STAC3: variants seen among roughly 807,000 people sequenced by gnomAD.
STAC3 encodes SH3 and cysteine rich domain 3.
Under a neutral mutation model 48.5 loss-of-function variants are expected in STAC3, and 30 were observed. That is an observed-to-expected ratio of 0.62 (90% confidence interval 0.46 to 0.84). The LOEUF (loss-of-function observed/expected upper bound fraction) is 0.84. Ranked by LOEUF, STAC3 falls within the 40% of genes least tolerant of loss-of-function variation. The pLI, the probability that STAC3 is intolerant of heterozygous loss-of-function variation, is 0.00. For synonymous variants in STAC3, 144 were observed against 158.6 expected (o/e 0.91, Z 0.69); for missense variants, 419 against 462.6 (o/e 0.91, Z 0.86).
At chr12:57,247,980 T>C in intron 5 of STAC3, 146 bp downstream of exon 5, 1 of 770,636 alleles carries the variant, frequency 1.3e-6, no homozygotes, top group Non-Finnish European at 2.3e-6. Context: ...TGCCTCTGCA[T>C]CCAAATGGAT....
In STAC3 at chr12:57,249,077, G is replaced by A. The variant is rs975202715; in HGVS notation, c.298C>T (p.Pro100Ser). The A allele has an allele frequency of 6.2e-7, 1 of 1,608,268 alleles. No homozygotes were observed. The highest frequency in any genetic ancestry group is 8.5e-7 in the Non-Finnish European group (1 of 1,176,764). ...CGGGCACAGACATCACAGAACTTTG[G>A]CTTCTTGAAGAAGTGATCTTTGAAT... Reference protein sequence around the residue: ...HKFKDHFFKKPKFCDVCARMI... With the variant: ...HKFKDHFFKKSKFCDVCARMI... The change falls in exon 3 of 12, where the codon CCA (proline) becomes TCA (serine). Residue 100 changes from proline (P) to serine (S), a missense_variant. By Grantham distance (74) the Pro-to-Ser change is moderately conservative. Coordinates refer to ENST00000332782, the MANE Select transcript of STAC3 (RefSeq NM_145064.3).
chr12:57,244,594 T>C lies in STAC3; in HGVS notation c.749A>G (p.His250Arg). 1 of 1,614,158 alleles carries C rather than the reference T, an allele frequency of 6.2e-7. No individual in the cohort carries two copies. Among genetic ancestry groups the C allele is most frequent in the East Asian group, 2.2e-5 (1 of 44,876 alleles). ...KHKQPGFQQS[H>R]YFVALYRFKA... ...GAACCGATAGAGAGCCACAAAGTAATGAGACTGCTGGAAGCCAGGCTGCTT... is the reference window on the plus strand; with the variant it reads ...GAACCGATAGAGAGCCACAAAGTAACGAGACTGCTGGAAGCCAGGCTGCTT... Residue 250 changes from histidine (H) to arginine (R), a missense_variant, in exon 9 of 12, where the codon CAT becomes CGT. His to Arg is a conservative substitution (Grantham distance 29). Coordinates refer to ENST00000332782, the MANE Select transcript of STAC3 (RefSeq NM_145064.3).
intron 5 of STAC3, 88 bp downstream of exon 5, chr12:57,248,038 G>C (rs1275679871): frequency 8.3e-7 from 1 of 1,200,092 alleles, no homozygotes; most frequent in East Asian, 2.3e-5. Context: ...GAAAGTTTCT[G>C]TTTCAGAATT....
chr12:57,244,238 G>A lies in STAC3; in HGVS notation c.859-13C>T. 3 of 1,614,218 alleles carry A rather than the reference G, an allele frequency of 1.9e-6. No individual in the cohort carries two copies. The highest frequency in any genetic ancestry group is 2.5e-6 in the Non-Finnish European group (3 of 1,180,048). ...CCCCGATTTTCCCCTAGGGAAGATA[G>A]TAGGGAGAGTCCATCTCTCAATGTC... On this transcript the variant is annotated splice_polypyrimidine_tract_variant and intron_variant, in intron 10 of 11. Transcript: ENST00000332782.
rs200605475 is a variant in STAC3 at position 57,246,862 on chromosome 12, C to T, written c.545G>A (p.Arg182His). 102 of 1,613,886 alleles carry T rather than the reference C, an allele frequency of 6.3e-5. No individual in the cohort carries two copies. Among genetic ancestry groups the T allele is most frequent in the Admixed American group, 2.7e-4 (16 of 60,000 alleles). ...CTTGTTTGCCATGATCACCCCAGTG[C>T]GCAGGGTTTCAAACACAGGATCATT... ...NRNDPVFETLRTGVIMANKER... is the reference protein window; with the variant it reads ...NRNDPVFETLHTGVIMANKER... The change falls in exon 6 of 12, where the codon CGC (arginine) becomes CAC (histidine). Residue 182 changes from arginine to histidine, a missense_variant. By Grantham distance (29) the Arg-to-His change is conservative (BLOSUM62 0). Transcript: ENST00000332782.
rs779483367 is a variant in STAC3, at chr12:57,243,911, C to A, written c.997-1G>T. The A allele has an allele frequency of 6.2e-7, 1 of 1,613,738 alleles. No homozygotes were observed. The highest frequency in any genetic ancestry group is 1.3e-5 in the African/African-American group (1 of 75,010). On this transcript the variant is annotated splice_acceptor_variant, in intron 11 of 11. Coordinates refer to ENST00000332782, the MANE Select transcript of STAC3 (RefSeq NM_145064.3). LOFTEE classifies it high-confidence loss of function. Reference sequence around the variant, plus strand: ...CTTCGTCTCCTTTCTGCACCACGATCTAGAAGATTAAAGGATCAGAAGTAG... The same window carrying A: ...CTTCGTCTCCTTTCTGCACCACGATATAGAAGATTAAAGGATCAGAAGTAG...
Position 57,243,507 on chromosome 12 carries a change from T to G in STAC3, c.*305A>C. 6 of 512,282 alleles carry G rather than the reference T, an allele frequency of 1.2e-5. No homozygotes were observed. Among genetic ancestry groups the G allele is most frequent in the East Asian group, 4.4e-5 (1 of 22,886 alleles). 31.7% of individuals were successfully genotyped at this position (512,282 alleles called of 1,614,324 possible). On this transcript the variant is annotated 3_prime_UTR_variant, in exon 12 of 12. Transcript: ENST00000332782. Reference sequence around the variant, plus strand: ...ATTCGCAACATTCGACAGTTCGCCCTCCCTCGCCCCCGCCCCCCGCCCCAG... The same window carrying G: ...ATTCGCAACATTCGACAGTTCGCCCGCCCTCGCCCCCGCCCCCCGCCCCAG...
At chr12:57,246,390 C>CT (rs1939358841) in intron 6 of STAC3, among the ~76,000 whole-genome samples, 1 of 120,538 alleles carries the variant, frequency 8.3e-6, no homozygotes, top group Admixed American at 9.2e-5. Flanking sequence ...TTCCTTCCTT[C>CT]CTTTTTTTTT....
intron 1 of STAC3, among the ~76,000 whole-genome samples, chr12:57,250,578 G>T (rs1422209405): frequency 6.6e-6 from 1 of 152,004 alleles, no homozygotes; most frequent in Non-Finnish European, 1.5e-5. Flanking sequence ...AAATCTGTGG[G>T]CAACAGAGAT....
Position 57,249,603 on chromosome 12 carries a change from G to C in STAC3, c.34C>G (p.Pro12Ala), listed in dbSNP as rs1382772416. The C allele has an allele frequency of 1.9e-6, 3 of 1,614,068 alleles. No individual in the cohort carries two copies. The highest frequency in any genetic ancestry group is 1.7e-5 in the Admixed American group (1 of 60,004). ...TEKEVLESPK[P>A]SFPAETRQSG... ...TGCCGAGTCTCTGCTGGGAAGGAGG[G>C]CTTAGGGGACTCCAGCACCTCCTTT... The change falls in exon 2 of 12, where the codon CCC becomes GCC. Residue 12 changes from proline to alanine, a missense_variant. By Grantham distance (27) the Pro-to-Ala change is conservative (BLOSUM62 -1). Transcript: ENST00000332782.
chr12:57,248,943 A>T, intron 3 of STAC3, 98 bp downstream of exon 3: 1 of 1,550,940 alleles, frequency 6.4e-7, no homozygotes. Flanking sequence ...CACCAACTCT[A>T]GCCACAGCCC....
At chr12:57,247,024 C>A (rs117927148) in intron 5 of STAC3, 123 bp from the exon 6 acceptor site, 2 of 877,616 alleles carry the variant, frequency 2.3e-6, no homozygotes, top group Non-Finnish European at 3.7e-6. Context: ...GCGGTGGGGG[C>A]GCCGCGGGGA....
intron 4 of STAC3, 76 bp from the exon 5 acceptor site, chr12:57,248,274 AC>A: frequency 8.4e-7 from 1 of 1,185,146 alleles, no homozygotes; most frequent in Admixed American, 1.7e-5. Flanking sequence ...AGGAGTGCTC[AC>A]CCTTTCTCAG....
rs778043546 is a variant in STAC3 at position 57,249,080 on chromosome 12, T to G, written c.295A>C (p.Lys99Gln). The change falls in exon 3 of 12, where the codon AAG (lysine) becomes CAG (glutamine). Residue 99 changes from lysine (K) to glutamine (Q), a missense_variant. Transcript: ENST00000332782. ...GCACAGACATCACAGAACTTTGGCT[T>G]CTTGAAGAAGTGATCTTTGAATTTG... ...PHKFKDHFFK[K>Q]PKFCDVCARM... The G allele has an allele frequency of 6.2e-7, 1 of 1,609,092 alleles. No individual in the cohort carries two copies. Among genetic ancestry groups the G allele is most frequent in the Admixed American group, 1.7e-5 (1 of 59,494 alleles).
intron 3 of STAC3, 90 bp downstream of exon 3, chr12:57,248,951 C>G: frequency 1.3e-6 from 2 of 1,552,984 alleles, no homozygotes; most frequent in Non-Finnish European, 1.7e-6. Flanking sequence ...CTAGCCACAG[C>G]CCATCTGCTA....
intron 8 of STAC3, 97 bp downstream of exon 8, chr12:57,244,819 G>A: frequency 6.8e-7 from 1 of 1,468,918 alleles, no homozygotes; most frequent in Non-Finnish European, 9.5e-7. Flanking sequence ...GGAAGCCTAG[G>A]AGTTAAAGAG....
In STAC3 at chr12:57,248,166, T is replaced by C. The variant is rs112950677; in HGVS notation, c.465A>G (p.Pro155=). 56 of 1,613,854 alleles carry C rather than the reference T, an allele frequency of 3.5e-5. No homozygotes were observed. The African/African-American group carries it at 5.7e-4, about 17-fold the overall frequency. ...AAGCGTACTGCTGGTTGCTGTAGAG[T>C]GGGGAACTATAGGCCCGATGGAAAC... The part of the protein sequence containing the change: ...PPGFHRAYSS[P]LYSNQQYACV... The change falls in exon 5 of 12, where the codon CCA becomes CCG. Residue 155 remains proline, a synonymous_variant. Coordinates refer to ENST00000332782, the MANE Select transcript of STAC3 (RefSeq NM_145064.3).
intron 11 of STAC3, 55 bp from the exon 12 acceptor site, chr12:57,243,965 G>C: frequency 6.2e-7 from 1 of 1,606,424 alleles, no homozygotes; most frequent in Non-Finnish European, 8.5e-7. Flanking sequence ...AGGTAGGAGA[G>C]GACAGCAGGG....
intron 6 of STAC3, among the ~76,000 whole-genome samples, 155 bp downstream of exon 6, chr12:57,246,649 G>C (rs1206599907): frequency 6.6e-6 from 1 of 152,144 alleles, no homozygotes; most frequent in East Asian, 1.9e-4. Context: ...GCCTCCCAAA[G>C]TGCTGGGATT....
Sources: gnomAD v4.1 joint callset for allele counts (sites outside exome capture counted in the v4.1 genomes callset) on GRCh38, gnomAD v4.1.1 for gene constraint, MANE v1.5 for transcripts, NCBI Gene and HGNC (gene_info 2026-07-23, HGNC 2026-07-21) for gene names.